The following SLIT3 variants were observed in gnomAD, a reference collection of about 807,000 sequenced individuals.
The protein encoded by SLIT3 is slit guidance ligand 3, also known as slit homolog 3 protein.
In SLIT3, 68 loss-of-function variants were observed where a neutral mutation model predicts 184.0. The ratio of observed to expected loss-of-function variants is 0.37; its 90% CI spans 0.30 to 0.45. The LOEUF (loss-of-function observed/expected upper bound fraction) is 0.45, where lower values mean the gene tolerates loss of function less well. Among genes scored for constraint, SLIT3 ranks in the 20% least tolerant of loss-of-function variants. The probability of loss-of-function intolerance (pLI) is 1.00; values close to 1 mark genes in which losing one functional copy is unlikely to be tolerated. For synonymous variants in SLIT3, 831 were observed against 828.6 expected (o/e 1.00, Z -0.05); for missense variants, 1,707 against 2,026.0 (o/e 0.84, Z 3.02).
At chr5:169,113,177 T>A (rs376021905) in intron 4 of SLIT3, among the ~76,000 whole-genome samples, 213 of 152,260 alleles carry the variant, frequency 1.4e-3, no homozygotes, top group African/African-American at 4.7e-3. Flanking sequence ...ACCCTTCTCA[T>A]CCTGAAAAAC....
In SLIT3 at chr5:168,663,927, CA is replaced by C. The variant is rs1277626589; in HGVS notation, c.*2526del. 6.6e-6 allele frequency: 1 copy of C among 152,160 alleles called. No individual in the cohort carries two copies. The highest frequency in any genetic ancestry group is 1.5e-5 in the Non-Finnish European group (1 of 68,050). 9.4% of individuals were successfully genotyped at this position (152,160 alleles called of 1,614,324 possible). A position where few individuals can be genotyped will look rare whatever the true frequency, so the allele number is the denominator to read the frequency against. On this transcript the variant is annotated 3_prime_UTR_variant, in exon 36 of 36. Coordinates refer to ENST00000519560, the MANE Select transcript of SLIT3 (RefSeq NM_003062.4). ...TTTTTGTCACAGGCTGTAGGATCCT[CA>C]AAGGCAGGATGTGTTTCTTTCCCAT... is the stretch of plus-strand genomic sequence containing the variant.
At chr5:168,969,543 C>T (rs1197417930) in intron 4 of SLIT3, among the ~76,000 whole-genome samples, 1 of 152,092 alleles carries the variant, frequency 6.6e-6, no homozygotes. Context: ...AAGAGAATCC[C>T]TCCCTTGCAG....
intron 32 of SLIT3, among the ~76,000 whole-genome samples, chr5:168,677,001 G>C (rs182406159): frequency 6.6e-6 from 1 of 152,328 alleles, no homozygotes; most frequent in Non-Finnish European, 1.5e-5. Flanking sequence ...GATCAGAGAG[G>C]GCTGTGTGGT....
intron 4 of SLIT3, among the ~76,000 whole-genome samples, chr5:169,142,270 A>G (rs1761774619): frequency 1.3e-5 from 2 of 152,152 alleles, no homozygotes. Context: ...GTTAAGGATT[A>G]TAAACAAACA....
intron 4 of SLIT3, among the ~76,000 whole-genome samples, chr5:168,974,051 A>G (rs1330427154): frequency 6.6e-6 from 1 of 152,192 alleles, no homozygotes; most frequent in Non-Finnish European, 1.5e-5. Flanking sequence ...CACATTTCTT[A>G]AGAAGCTGGC....
At chr5:168,871,065 C>T (rs888171256) in intron 5 of SLIT3, among the ~76,000 whole-genome samples, 2 of 152,180 alleles carry the variant, frequency 1.3e-5, no homozygotes, top group Admixed American at 6.5e-5. Flanking sequence ...TCACTGTGCT[C>T]GTGTCAAGGT....
In SLIT3 at chr5:168,669,869, C is replaced by T. The variant is rs1480837460; in HGVS notation, c.4250G>A (p.Cys1417Tyr). Residue 1417 changes from cysteine (C) to tyrosine (Y), a missense_variant, in exon 35 of 36, where the codon TGT becomes TAT. By Grantham distance (194) the Cys-to-Tyr change is radical. Transcript: ENST00000519560. ...TGAGATGTGGCACTGCCCATGGTGA[C>T]ACTTGAAGGCTGAGCAGGCATTGGC... is the stretch of plus-strand genomic sequence containing the variant. ...DSANACSAFK[C>Y]HHGQCHISDQ... is the part of the protein sequence containing the mutation. 5.6e-6 allele frequency: 9 copies of T among 1,614,210 alleles called. No individual in the cohort carries two copies. The highest frequency in any genetic ancestry group is 6.8e-6 in the Non-Finnish European group (8 of 1,180,042).
chr5:169,221,406 T>C (rs1457160550), intron 3 of SLIT3, among the ~76,000 whole-genome samples: 1 of 152,182 alleles, frequency 6.6e-6, no homozygotes, highest in East Asian at 1.9e-4. Context: ...ATCGTGGACA[T>C]GATGTATCAG....
rs1031542269 is a variant in SLIT3, at chr5:168,945,820, T to C, written c.414-62484A>G. 2.0e-5 allele frequency among the ~76,000 whole-genome samples: 3 copies of C among 152,216 alleles called. No individual in the cohort carries two copies. The East Asian group carries it at 5.8e-4, about 29-fold the overall frequency. ...CGTCTTAGGGAAACCCAAAACCATG[T>C]ACAAAGAAAGAGGGCAGTGGTTCCA... On this transcript the variant is annotated intron_variant, in intron 4 of 35. Coordinates refer to ENST00000519560, the MANE Select transcript of SLIT3 (RefSeq NM_003062.4).
intron 4 of SLIT3, among the ~76,000 whole-genome samples, chr5:169,068,700 T>A (rs1010915613): frequency 6.6e-6 from 1 of 152,200 alleles, no homozygotes; most frequent in Non-Finnish European, 1.5e-5. Context: ...AGTTTCAGGA[T>A]GGCTTCTTGT....
At chr5:168,728,423 T>C (rs527959890) in intron 20 of SLIT3, among the ~76,000 whole-genome samples, 1 of 152,162 alleles carries the variant, frequency 6.6e-6, no homozygotes, top group South Asian at 2.1e-4. Context: ...GGAAATATGA[T>C]GCTACCAAAG....
intron 8 of SLIT3, among the ~76,000 whole-genome samples, chr5:168,809,972 C>G (rs1167420054): frequency 6.6e-6 from 1 of 152,096 alleles, no homozygotes; most frequent in African/African-American, 2.4e-5. Context: ...CCACAGCTTT[C>G]CATGCTGGCA....
intron 5 of SLIT3, among the ~76,000 whole-genome samples, chr5:168,858,591 G>A (rs1758988468): frequency 6.6e-6 from 1 of 152,188 alleles, no homozygotes; most frequent in Admixed American, 6.5e-5. Flanking sequence ...CAGCAGCGTT[G>A]GGCTTACGCG....
At chr5:168,934,054 T>G (rs1762076627) in intron 4 of SLIT3, among the ~76,000 whole-genome samples, 2 of 152,194 alleles carry the variant, frequency 1.3e-5, no homozygotes, top group African/African-American at 2.4e-5. Context: ...TCTGGAGTTG[T>G]GGCAAATACA....
intron 11 of SLIT3, 21 bp downstream of exon 11, chr5:168,789,539 C>T (rs1456911967): frequency 6.2e-7 from 1 of 1,605,406 alleles, no homozygotes; most frequent in East Asian, 2.2e-5. Context: ...CACCTCAGGC[C>T]CCAACTCGGG....
intron 3 of SLIT3, among the ~76,000 whole-genome samples, chr5:169,194,910 G>A (rs139195661): frequency 6.6e-6 from 1 of 152,282 alleles, no homozygotes; most frequent in East Asian, 1.9e-4. Flanking sequence ...ACGCCCTGCT[G>A]CATGCTAGCC....
chr5:168,686,177 G>T (rs753069009), intron 30 of SLIT3, among the ~76,000 whole-genome samples: 5 of 152,194 alleles, frequency 3.3e-5, no homozygotes, highest in African/African-American at 7.2e-5. Context: ...AGTTACAGGG[G>T]AGGATCGCTT....
At chr5:169,036,709 A>G (rs1218348403) in intron 4 of SLIT3, among the ~76,000 whole-genome samples, 1 of 152,154 alleles carries the variant, frequency 6.6e-6, no homozygotes, top group South Asian at 2.1e-4. Flanking sequence ...CCAAAGTCTT[A>G]TGTAAATGAG....
At chr5:168,963,974 C>G (rs1291489874) in intron 4 of SLIT3, among the ~76,000 whole-genome samples, 1 of 152,190 alleles carries the variant, frequency 6.6e-6, no homozygotes, top group Non-Finnish European at 1.5e-5. Flanking sequence ...CAATAAATAT[C>G]AACGATTATG....
Sources: allele counts gnomAD v4.1 joint callset (sites outside exome capture counted in the v4.1 genomes callset), GRCh38; gene constraint gnomAD v4.1.1; transcripts MANE v1.5; gene names NCBI Gene and HGNC (gene_info 2026-07-23, HGNC 2026-07-21).